Variants in ELL2 observed in about 807,000 individuals in gnomAD.
The protein encoded by ELL2 is elongation factor for RNA polymerase II 2, also known as RNA polymerase II elongation factor ELL2.
A neutral mutation model predicts 72.8 loss-of-function variants in ELL2; 21 were observed. That is an observed-to-expected ratio of 0.29 (90% CI 0.20 to 0.42). The LOEUF (loss-of-function observed/expected upper bound fraction) is 0.42, where lower values mean the gene tolerates loss of function less well. Ranked by LOEUF, ELL2 falls within the 10% of genes least tolerant of loss-of-function variation. The probability of loss-of-function intolerance (pLI) is 1.00; values close to 1 mark genes in which losing one functional copy is unlikely to be tolerated. For missense variants in ELL2, 568 were observed against 772.8 expected, an observed-to-expected ratio of 0.73 and a Z score of 3.14; for synonymous variants, 266 against 283.2, an observed-to-expected ratio of 0.94 and a Z score of 0.61.
At position 95,895,761 on chromosome 5, in the gene ELL2, A is replaced by T. The variant is rs1748851146; in HGVS notation, c.1526-70T>A. On this transcript the variant is annotated intron_variant, in intron 8 of 11. Coordinates refer to ENST00000237853, the MANE Select transcript of ELL2 (RefSeq NM_012081.6). ...GGTTATCAAATGCCTGTAATTCTAA[A>T]ATAGATTAGAAACATCTGGAACACT... 7.2e-5 allele frequency: 84 copies of T among 1,170,218 alleles called. No homozygotes were observed. In the South Asian group the frequency reaches 1.0e-3, roughly 14 times the overall value. 72.5% of individuals were successfully genotyped at this position (1,170,218 alleles called of 1,614,324 possible).
At chr5:95,891,433 A>ATC (rs1171270290) in intron 9 of ELL2, among the ~76,000 whole-genome samples, 159 bp from the exon 10 acceptor site, 1 of 152,224 alleles carries the variant, frequency 6.6e-6, no homozygotes, top group African/African-American at 2.4e-5. Flanking sequence ...TCCTCCAAAC[A>ATC]TCTTCCAGGT....
intron 10 of ELL2, among the ~76,000 whole-genome samples, chr5:95,889,652 C>A (rs1268056352): frequency 6.6e-6 from 1 of 152,050 alleles, no homozygotes; most frequent in African/African-American, 2.4e-5. Context: ...TTCAATGAAA[C>A]CAGTACAAAT....
intron 10 of ELL2, 31 bp from the exon 11 acceptor site, chr5:95,889,161 G>T: frequency 6.5e-7 from 1 of 1,532,752 alleles, no homozygotes; most frequent in Non-Finnish European, 9.0e-7. Flanking sequence ...AATCAGAAGA[G>T]AACAACTTCT....
intron 3 of ELL2, among the ~76,000 whole-genome samples, chr5:95,914,689 A>G (rs1175327481): frequency 3.3e-5 from 5 of 152,136 alleles, no homozygotes; most frequent in African/African-American, 9.7e-5. Context: ...CCCCATCTCT[A>G]CAAAAATTAG....
At chr5:95,925,529 A>C (rs963220831) in intron 2 of ELL2, among the ~76,000 whole-genome samples, 2 of 152,170 alleles carry the variant, frequency 1.3e-5, no homozygotes, top group Admixed American at 1.3e-4. Flanking sequence ...GTGTTCCCTG[A>C]ATATATTGTC....
rs74836108 is a variant in ELL2 at position 95,942,994 on chromosome 5, G to T, written c.195+8C>A. 6.3e-7 allele frequency: 1 copy of T among 1,579,826 alleles called. No homozygotes were observed. The highest frequency in any genetic ancestry group is 2.3e-5 in the East Asian group (1 of 43,008). On this transcript the variant is annotated splice_region_variant and intron_variant, in intron 2 of 11. Transcript: ENST00000237853. Reference sequence around the variant, plus strand: ...AGATTTGTTTGTTAAATCAATAAGAGTACTCACCCCGTGGAGTCCTTGGAA... The same window carrying T: ...AGATTTGTTTGTTAAATCAATAAGATTACTCACCCCGTGGAGTCCTTGGAA...
intron 7 of ELL2, among the ~76,000 whole-genome samples, chr5:95,899,791 T>C (rs1749061123): frequency 6.6e-6 from 1 of 152,210 alleles, no homozygotes; most frequent in Admixed American, 6.5e-5. Flanking sequence ...TTCATAATAG[T>C]TGGCATTAAA....
At chr5:95,908,049 T>G (rs1316224097) in intron 4 of ELL2, among the ~76,000 whole-genome samples, 2 of 152,196 alleles carry the variant, frequency 1.3e-5, no homozygotes, top group Non-Finnish European at 2.9e-5. Flanking sequence ...TTCTTTACTA[T>G]CTGTACAAAA....
chr5:95,915,112 A>AT (rs1226042968), intron 3 of ELL2, among the ~76,000 whole-genome samples: 1 of 151,612 alleles, frequency 6.6e-6, no homozygotes, highest in African/African-American at 2.4e-5. Flanking sequence ...AAGGTTGATA[A>AT]TTTTTTTTTG....
chr5:95,897,023 G>C (rs7721853), intron 8 of ELL2, among the ~76,000 whole-genome samples: 1 of 152,120 alleles, frequency 6.6e-6, no homozygotes, highest in African/African-American at 2.4e-5. Flanking sequence ...AGAGTGTTGA[G>C]GGAAAAAGCT....
intron 3 of ELL2, among the ~76,000 whole-genome samples, chr5:95,916,584 AT>A (rs1345556996): frequency 6.6e-6 from 1 of 152,086 alleles, no homozygotes; most frequent in African/African-American, 2.4e-5. Context: ...CATCCACTGG[AT>A]TTTGGGGGCA....
At chr5:95,943,166 A>G (rs969437272) in intron 1 of ELL2, 117 bp from the exon 2 acceptor site, 1 of 697,690 alleles carries the variant, frequency 1.4e-6, no homozygotes, top group East Asian at 4.2e-5. Flanking sequence ...CATGACTCTA[A>G]TCCCAGCACT....
chr5:95,896,831 C>G lies in ELL2; in HGVS notation c.1526-1140G>C, dbSNP rs144333311. On this transcript the variant is annotated intron_variant, in intron 8 of 11. Coordinates refer to ENST00000237853, the MANE Select transcript of ELL2 (RefSeq NM_012081.6). ...TTCTCCAGGTCTCCAACTCTGAGAA[C>G]ACTTGGAACTCTGATGTAGATCTCA... Among the ~76,000 whole-genome samples the G allele has an allele frequency of 4.4e-3, 673 of 152,342 alleles. 7 individuals carry two copies. The highest frequency in any genetic ancestry group is 0.015 in the African/African-American group (637 of 41,580).
intron 2 of ELL2, among the ~76,000 whole-genome samples, chr5:95,931,966 G>A (rs1245003799): frequency 1.4e-5 from 2 of 140,176 alleles, no homozygotes; most frequent in Non-Finnish European, 3.0e-5. Flanking sequence ...GTATTTTAAA[G>A]TCTGTGGGGG....
intron 1 of ELL2, among the ~76,000 whole-genome samples, chr5:95,953,570 T>C (rs1463847681): frequency 1.3e-5 from 2 of 152,260 alleles, no homozygotes; most frequent in Non-Finnish European, 2.9e-5. Context: ...AGCTCACAGT[T>C]GAGTGAAAAA....
chr5:95,917,656 G>A (rs1749869102), intron 3 of ELL2, among the ~76,000 whole-genome samples: 1 of 152,024 alleles, frequency 6.6e-6, no homozygotes, highest in Non-Finnish European at 1.5e-5. Context: ...AAGGCACCTT[G>A]GATTATACAG....
chr5:95,961,497 C>A (rs1414711251), intron 1 of ELL2, 78 bp downstream of exon 1: 2 of 1,363,094 alleles, frequency 1.5e-6, no homozygotes, highest in Non-Finnish European at 1.9e-6. Context: ...GCTCCGCCGG[C>A]CCCGCACCCG....
rs565816867 is a variant in ELL2 at position 95,942,684 on chromosome 5, T to C, written c.195+318A>G. On this transcript the variant is annotated intron_variant, in intron 2 of 11. Transcript: ENST00000237853. Reference sequence around the variant, plus strand: ...TGAAATAAATAATCCCGTATGGATGTTAAGCTGTGATAATACATACTCACA... The same window carrying C: ...TGAAATAAATAATCCCGTATGGATGCTAAGCTGTGATAATACATACTCACA... 2.6e-5 allele frequency among the ~76,000 whole-genome samples: 4 copies of C among 152,338 alleles called. No individual in the cohort carries two copies. The East Asian group carries it at 7.7e-4, about 29-fold the overall frequency.
At chr5:95,900,041 G>C (rs1749077479) in intron 7 of ELL2, among the ~76,000 whole-genome samples, 1 of 152,128 alleles carries the variant, frequency 6.6e-6, no homozygotes, top group Admixed American at 6.5e-5. Context: ...GGGGTGGGGA[G>C]GTGCGTCCCA....
Sources: gnomAD v4.1 joint callset for allele counts (sites outside exome capture counted in the v4.1 genomes callset) on GRCh38, gnomAD v4.1.1 for gene constraint, MANE v1.5 for transcripts, NCBI Gene and HGNC (gene_info 2026-07-23, HGNC 2026-07-21) for gene names.